DPY19L2: variants seen among roughly 807,000 people sequenced by gnomAD.
DPY19L2 encodes probable C-mannosyltransferase DPY19L2.
A neutral mutation model predicts 97.9 loss-of-function variants in DPY19L2; 34 were observed. The observed-to-expected ratio is 0.35, with a 90% CI of 0.26 to 0.46. DPY19L2 has a LOEUF of 0.46. DPY19L2 is among the 20% of genes least tolerant of loss of function. DPY19L2 has a pLI of 1.00. For missense variants in DPY19L2, 623 were observed against 911.4 expected, an observed-to-expected ratio of 0.68 and a Z score of 4.07; for synonymous variants, 230 against 307.9, an observed-to-expected ratio of 0.75 and a Z score of 2.65.
At chr12:63,619,410 G>A (rs1269878102) in intron 9 of DPY19L2, among the ~76,000 whole-genome samples, 1 of 151,954 alleles carries the variant, frequency 6.6e-6, no homozygotes, top group Non-Finnish European at 1.5e-5. Flanking sequence ...CTGTAAGCAT[G>A]AAACACACAC....
chr12:63,612,213 A>G (rs1887123864), intron 11 of DPY19L2, among the ~76,000 whole-genome samples: 1 of 152,176 alleles, frequency 6.6e-6, no homozygotes, highest in Admixed American at 6.5e-5. Context: ...GGCAAAATAA[A>G]GACTTCATGA....
chr12:63,630,914 C>G (rs1249462075), intron 6 of DPY19L2, among the ~76,000 whole-genome samples: 2 of 152,154 alleles, frequency 1.3e-5, no homozygotes, highest in African/African-American at 4.8e-5. Context: ...TTAATAAACT[C>G]ACTCAAAACT....
At chr12:63,619,856 C>T (rs1006061945) in intron 9 of DPY19L2, 21 of 407,394 alleles carry the variant, frequency 5.2e-5, no homozygotes, top group African/African-American at 4.4e-4. Context: ...AATTTGCTTG[C>T]AATGAAATGA....
At chr12:63,610,872 A>AAAAC (rs1290506792) in intron 11 of DPY19L2, among the ~76,000 whole-genome samples, 2 of 105,650 alleles carry the variant, frequency 1.9e-5, no homozygotes, top group Non-Finnish European at 4.0e-5. Flanking sequence ...AAAAAAAAAA[A>AAAAC]AAACCACACA....
At chr12:63,596,121 G>A in intron 14 of DPY19L2, 84 bp from the exon 15 acceptor site, 1 of 1,208,934 alleles carries the variant, frequency 8.3e-7, no homozygotes, top group Non-Finnish European at 1.1e-6. Context: ...TAAGTGCCAT[G>A]ATAACATTCC....
chr12:63,637,053 A>G (rs531472611), intron 6 of DPY19L2, among the ~76,000 whole-genome samples: 1 of 152,302 alleles, frequency 6.6e-6, no homozygotes, highest in South Asian at 2.1e-4. Flanking sequence ...CTCCTCAGCA[A>G]ATGTAAAAGA....
At chr12:63,628,434 C>T (rs189641887) in intron 6 of DPY19L2, among the ~76,000 whole-genome samples, 7 of 152,246 alleles carry the variant, frequency 4.6e-5, no homozygotes, top group East Asian at 1.9e-4. Context: ...ACACCTGGCT[C>T]GGAGGGTCCT....
chr12:63,632,832 A>C (rs1245557240), intron 6 of DPY19L2, among the ~76,000 whole-genome samples: 1 of 152,158 alleles, frequency 6.6e-6, no homozygotes, highest in Admixed American at 6.5e-5. Flanking sequence ...AGGCTACAGT[A>C]ACCAAAACAG....
intron 12 of DPY19L2, among the ~76,000 whole-genome samples, chr12:63,605,340 C>A (rs1182593228): frequency 6.6e-6 from 1 of 152,110 alleles, no homozygotes; most frequent in East Asian, 1.9e-4. Context: ...TAGTAGATAC[C>A]AGACCCACAT....
chr12:63,614,076 G>A (rs895904965), intron 11 of DPY19L2, among the ~76,000 whole-genome samples: 6 of 151,418 alleles, frequency 4.0e-5, no homozygotes, highest in African/African-American at 1.2e-4. Flanking sequence ...TGTAATCCCA[G>A]CTACATGGGA....
At chr12:63,641,299 A>G (rs1422601376) in intron 6 of DPY19L2, among the ~76,000 whole-genome samples, 2 of 152,120 alleles carry the variant, frequency 1.3e-5, no homozygotes, top group South Asian at 2.1e-4. Context: ...TAATGAGCTT[A>G]TATTTTTTCT....
At chr12:63,662,120 T>C (rs1195071394) in intron 3 of DPY19L2, among the ~76,000 whole-genome samples, 3 of 152,196 alleles carry the variant, frequency 2.0e-5, no homozygotes, top group African/African-American at 7.2e-5. Context: ...ATTAGGATAG[T>C]AAAAGTGCTG....
chr12:63,562,229 AT>A (rs1475079682), intron 21 of DPY19L2, among the ~76,000 whole-genome samples: 1 of 152,132 alleles, frequency 6.6e-6, no homozygotes, highest in Non-Finnish European at 1.5e-5. Flanking sequence ...GAACATATCC[AT>A]CTCTCCCAAA....
chr12:63,647,418 A>C lies in DPY19L2; in HGVS notation c.589-53T>G, dbSNP rs187313263. The C allele has an allele frequency of 2.5e-4, 151 of 610,112 alleles. 2 individuals are homozygous for C. In the African/African-American group the frequency reaches 2.5e-3, roughly 10 times the overall value. 37.8% of individuals were successfully genotyped at this position (610,112 alleles called of 1,614,324 possible). On this transcript the variant is annotated intron_variant, in intron 4 of 21. Coordinates refer to ENST00000324472, the MANE Select transcript of DPY19L2 (RefSeq NM_173812.5). ...ATTGAGGTAAATACATTCTCTTCAT[A>C]ATAATAATAATAATAATATATACCA...
intron 16 of DPY19L2, among the ~76,000 whole-genome samples, chr12:63,590,155 C>T (rs1882652956): frequency 6.6e-6 from 1 of 151,568 alleles, no homozygotes; most frequent in South Asian, 2.1e-4. Context: ...CAACAAAAAC[C>T]CACAAAACAA....
intron 6 of DPY19L2, among the ~76,000 whole-genome samples, chr12:63,638,368 G>T (rs149194303): frequency 1.1e-4 from 16 of 152,242 alleles, no homozygotes; most frequent in African/African-American, 3.4e-4. Flanking sequence ...GGGCAATCAG[G>T]CAAGAGAAAG....
chr12:63,575,953 A>G (rs1592403614), intron 19 of DPY19L2, among the ~76,000 whole-genome samples: 1 of 152,064 alleles, frequency 6.6e-6, no homozygotes, highest in Non-Finnish European at 1.5e-5. Flanking sequence ...TGAGACCAAT[A>G]TCACTTTAAT....
At chr12:63,622,428 C>G (rs1888839624) in intron 8 of DPY19L2, among the ~76,000 whole-genome samples, 1 of 152,178 alleles carries the variant, frequency 6.6e-6, no homozygotes, top group East Asian at 1.9e-4. Context: ...CCAAATTCAA[C>G]CGCAGAATAT....
At chr12:63,601,724 G>C (rs1488825219) in intron 12 of DPY19L2, among the ~76,000 whole-genome samples, 1 of 152,086 alleles carries the variant, frequency 6.6e-6, no homozygotes, top group African/African-American at 2.4e-5. Flanking sequence ...CAGGGCCTAA[G>C]AGTGAGTAGG....
Sources: gnomAD v4.1 joint callset for allele counts (sites outside exome capture counted in the v4.1 genomes callset) on GRCh38, gnomAD v4.1.1 for gene constraint, MANE v1.5 for transcripts, NCBI Gene and HGNC (gene_info 2026-07-23, HGNC 2026-07-21) for gene names.